BIN3: variants seen among roughly 807,000 people sequenced by gnomAD.
The protein encoded by BIN3 is bridging integrator 3.
Under a neutral mutation model 38.2 loss-of-function variants are expected in BIN3, and 41 were observed. That is an observed-to-expected ratio of 1.07 (90% CI 0.84 to 1.39). The LOEUF (loss-of-function observed/expected upper bound fraction) is 1.39, where lower values mean the gene tolerates loss of function less well. Ranked by LOEUF, BIN3 falls within the 40% of genes most tolerant of loss-of-function variation. The pLI is 0.00. For synonymous variants in BIN3, 145 were observed against 122.6 expected, an observed-to-expected ratio of 1.18 and a Z score of -1.21; for missense variants, 361 against 324.3, an observed-to-expected ratio of 1.11 and a Z score of -0.87.
chr8:22,627,645 G>T (rs986250544), intron 6 of BIN3, among the ~76,000 whole-genome samples: 3 of 130,500 alleles, frequency 2.3e-5, no homozygotes, highest in Admixed American at 2.2e-4. Context: ...CTGTTCCAGC[G>T]CACTTCACCC....
chr8:22,636,428 G>T, intron 4 of BIN3, 97 bp downstream of exon 4: 1 of 1,282,820 alleles, frequency 7.8e-7, no homozygotes, highest in Non-Finnish European at 1.1e-6. Context: ...CGTCCTCTGA[G>T]CGCAGCAACT....
At chr8:22,648,764 A>C (rs904914717) in intron 1 of BIN3, among the ~76,000 whole-genome samples, 1 of 152,170 alleles carries the variant, frequency 6.6e-6, no homozygotes, top group Non-Finnish European at 1.5e-5. Context: ...ATCAGTATGG[A>C]CTCACAGATA....
chr8:22,653,995 C>A (rs1177248489), intron 1 of BIN3, among the ~76,000 whole-genome samples: 1 of 152,160 alleles, frequency 6.6e-6, no homozygotes, highest in African/African-American at 2.4e-5. Context: ...CTAAACTATT[C>A]ATAGTTTTCA....
intron 6 of BIN3, among the ~76,000 whole-genome samples, chr8:22,626,973 G>A (rs3779731): frequency 1.6e-4 from 25 of 152,310 alleles, no homozygotes; most frequent in East Asian, 5.8e-4. Context: ...GGGGGATGGC[G>A]TGGTGGTGTC....
rs534026925 is a variant in BIN3 at position 22,621,583 on chromosome 8, A to C, written c.616-15T>G. ...TAGTACACAACCTGGGGGAGGCGAC[A>C]GGGGTTGGCACGTGCTGGCTCCAGG... On this transcript the variant is annotated splice_polypyrimidine_tract_variant and intron_variant, in intron 8 of 8. Transcript: ENST00000276416. The C allele has an allele frequency of 4.8e-4, 758 of 1,583,008 alleles. 1 individual carries two copies. The highest frequency in any genetic ancestry group is 2.4e-3 in the Middle Eastern group (14 of 5,810).
At chr8:22,634,206 A>G (rs1802294907) in intron 4 of BIN3, among the ~76,000 whole-genome samples, 1 of 152,260 alleles carries the variant, frequency 6.6e-6, no homozygotes, top group South Asian at 2.1e-4. Flanking sequence ...CAAGTAACTC[A>G]GACCTGAAAT....
intron 1 of BIN3, among the ~76,000 whole-genome samples, chr8:22,657,071 C>A (rs935796783): frequency 9.2e-5 from 14 of 152,208 alleles, no homozygotes; most frequent in Admixed American, 3.9e-4. Flanking sequence ...TAAGGGCCAC[C>A]TTTGTTCCAA....
intron 1 of BIN3, 101 bp downstream of exon 1, chr8:22,668,942 GT>G: frequency 1.4e-6 from 2 of 1,477,672 alleles, no homozygotes; most frequent in Non-Finnish European, 1.8e-6. Flanking sequence ...GGGCGGAGGG[GT>G]CGCGCGGGAC....
intron 6 of BIN3, chr8:22,624,823 C>CAGAGAG (rs1481177145): frequency 2.6e-5 from 5 of 192,392 alleles, no homozygotes; most frequent in Middle Eastern, 2.2e-3. Context: ...AAACTGAGGA[C>CAGAGAG]AGAGAGAGAT....
chr8:22,631,023 G>C (rs1802180803), intron 4 of BIN3, among the ~76,000 whole-genome samples: 1 of 152,114 alleles, frequency 6.6e-6, no homozygotes. Flanking sequence ...TACTACAAAA[G>C]GCCCAACAGT....
At chr8:22,651,914 T>C (rs1350913972) in intron 1 of BIN3, among the ~76,000 whole-genome samples, 1 of 152,166 alleles carries the variant, frequency 6.6e-6, no homozygotes, top group Non-Finnish European at 1.5e-5. Flanking sequence ...AAACTTACAA[T>C]TTCGATGCTG....
At chr8:22,632,801 T>G (rs1042631936) in intron 4 of BIN3, among the ~76,000 whole-genome samples, 1 of 150,202 alleles carries the variant, frequency 6.7e-6, no homozygotes, top group African/African-American at 2.4e-5. Context: ...CTCCGCCTCC[T>G]GGCTTCAAGT....
At chr8:22,655,831 A>C (rs1320446076) in intron 1 of BIN3, among the ~76,000 whole-genome samples, 2 of 152,152 alleles carry the variant, frequency 1.3e-5, no homozygotes, top group African/African-American at 4.8e-5. Context: ...TGACTAGTCC[A>C]TTGTTTTAAC....
intron 1 of BIN3, among the ~76,000 whole-genome samples, chr8:22,657,184 T>A (rs1803082947): frequency 6.6e-6 from 1 of 152,188 alleles, no homozygotes; most frequent in African/African-American, 2.4e-5. Context: ...AAGCACCGGA[T>A]GAATAATTAA....
intron 4 of BIN3, among the ~76,000 whole-genome samples, chr8:22,635,199 G>A (rs954066290): frequency 6.6e-6 from 1 of 152,074 alleles, no homozygotes; most frequent in Non-Finnish European, 1.5e-5. Context: ...TCCCCACGAA[G>A]GCCTCCCTTG....
intron 8 of BIN3, among the ~76,000 whole-genome samples, chr8:22,621,787 G>A (rs1210307383): frequency 2.0e-5 from 3 of 152,084 alleles, no homozygotes; most frequent in African/African-American, 2.4e-5. Flanking sequence ...AGGTGGAGGC[G>A]CCCCTGCTTC....
chr8:22,659,327 C>A (rs1027670627), intron 1 of BIN3, among the ~76,000 whole-genome samples: 9 of 152,194 alleles, frequency 5.9e-5, no homozygotes, highest in Admixed American at 2.0e-4. Flanking sequence ...CCAGAACACA[C>A]AGAAATTGAC....
rs961808448 is a variant in BIN3, at chr8:22,655,061, C to T, written c.9-10258G>A. ...TGTGCATTTCTCTAATGACTAATGACGTTAAGCGTCTTTTCATGTGTTCAT... is the reference window on the plus strand; with the variant it reads ...TGTGCATTTCTCTAATGACTAATGATGTTAAGCGTCTTTTCATGTGTTCAT... On this transcript the variant is annotated intron_variant, in intron 1 of 8. Transcript: ENST00000276416. 5.3e-5 allele frequency among the ~76,000 whole-genome samples: 8 copies of T among 152,256 alleles called. No homozygotes were observed. The South Asian group carries it at 6.2e-4, about 12-fold the overall frequency.
At chr8:22,639,693 C>T (rs952967900) in intron 2 of BIN3, among the ~76,000 whole-genome samples, 3 of 152,204 alleles carry the variant, frequency 2.0e-5, no homozygotes, top group Non-Finnish European at 4.4e-5. Flanking sequence ...CACTGGGGTG[C>T]TGGGAAGACC....
Sources: gnomAD v4.1 joint callset for allele counts (sites outside exome capture counted in the v4.1 genomes callset) on GRCh38, gnomAD v4.1.1 for gene constraint, MANE v1.5 for transcripts, NCBI Gene and HGNC (gene_info 2026-07-23, HGNC 2026-07-21) for gene names.